DPH6: variants seen among roughly 807,000 people sequenced by gnomAD.
The protein encoded by DPH6 is diphthamine biosynthesis 6.
DPH6 carries 33 observed loss-of-function variants against 38.2 expected under a neutral mutation model. The observed-to-expected ratio is 0.86, with a 90% CI of 0.65 to 1.15. The LOEUF (loss-of-function observed/expected upper bound fraction) is 1.15. DPH6 is among the 50% of genes most tolerant of loss of function. DPH6 has a pLI of 0.00. For synonymous variants in DPH6, 108 were observed against 103.0 expected (o/e 1.05, Z -0.30); for missense variants, 325 against 320.0 (o/e 1.02, Z -0.12).
At chr15:35,182,220 A>AT in the DPH6 span, among the ~76,000 whole-genome samples, 992 of 85,886 alleles carry the variant, frequency 0.012, 41 homozygotes, top group Non-Finnish European at 0.016. Flanking sequence ...AACTCTAAGA[A>AT]TTTTTTTTTT....
chr15:35,306,402 C>T (rs2052091308), intron 3 of DPH6, among the ~76,000 whole-genome samples: 1 of 152,202 alleles, frequency 6.6e-6, no homozygotes, highest in Non-Finnish European at 1.5e-5. Context: ...TGGGAGCCTG[C>T]TCTACCCTCT....
downstream of DPH6, among the ~76,000 whole-genome samples, chr15:35,327,630 G>A (rs1173393445): frequency 4.6e-5 from 7 of 152,084 alleles, no homozygotes; most frequent in African/African-American, 1.4e-4. Flanking sequence ...CTGGCCTCTA[G>A]AAAAGGTTCT....
chr15:35,177,662 G>A, the DPH6 span, among the ~76,000 whole-genome samples: 11 of 150,748 alleles, frequency 7.3e-5, no homozygotes, highest in East Asian at 1.9e-4. Context: ...CTTTGTGGCC[G>A]GGTGTGGTGG....
At chr15:35,543,409 A>G (rs1442077847) in intron 1 of DPH6, among the ~76,000 whole-genome samples, 3 of 151,676 alleles carry the variant, frequency 2.0e-5, no homozygotes, top group African/African-American at 7.3e-5. Context: ...TCACTTAGTA[A>G]AGACAAGCAG....
At chr15:35,436,073 G>C (rs1043501162) in intron 5 of DPH6, among the ~76,000 whole-genome samples, 1 of 152,042 alleles carries the variant, frequency 6.6e-6, no homozygotes, top group Non-Finnish European at 1.5e-5. Context: ...TCAGGGGCCA[G>C]AGGCCCTGCA....
At chr15:35,408,410 G>A (rs377143220) in intron 6 of DPH6, among the ~76,000 whole-genome samples, 13 of 152,088 alleles carry the variant, frequency 8.5e-5, no homozygotes, top group African/African-American at 3.1e-4. Context: ...ATGACAAAGA[G>A]AATGGCAAAA....
At chr15:35,504,002 A>T (rs111361021) in intron 3 of DPH6, among the ~76,000 whole-genome samples, 1 of 152,102 alleles carries the variant, frequency 6.6e-6, no homozygotes, top group African/African-American at 2.4e-5. Flanking sequence ...CAATTTATCC[A>T]GTCTTGATTT....
chr15:35,529,986 G>A (rs1420091048), intron 3 of DPH6, among the ~76,000 whole-genome samples: 1 of 151,966 alleles, frequency 6.6e-6, no homozygotes, highest in Admixed American at 6.6e-5. Context: ...CAAATATGCT[G>A]ACTGAAGATG....
chr15:35,218,648 C>A (rs1289140677), exon 4 of DPH6: 1 of 152,032 alleles, frequency 6.6e-6, no homozygotes, highest in Admixed American at 6.5e-5. Context: ...ATATGATAAT[C>A]CTCTCTTCTT....
At chr15:35,262,731 A>G (rs887974850) in intron 3 of DPH6, among the ~76,000 whole-genome samples, 9 of 134,272 alleles carry the variant, frequency 6.7e-5, no homozygotes, top group Non-Finnish European at 1.3e-4. Flanking sequence ...AAAAAAAAAA[A>G]AAAAAGATAT....
rs9972491 is a variant in DPH6, at chr15:35,489,635, G to A, written c.313-34815C>T. On this transcript the variant is annotated intron_variant, in intron 3 of 8. Coordinates refer to ENST00000256538, the MANE Select transcript of DPH6 (RefSeq NM_080650.4). ...TTTAGAAAGTTCTCTGCAACATAAT[G>A]TTAAGTAAAAAAATACCCTAAGGCA... 6,668 of 981,438 alleles carry A rather than the reference G, an allele frequency of 6.8e-3. 342 individuals are homozygous for A. The African/African-American group carries it at 0.11, about 16-fold the overall frequency. 60.8% of individuals were successfully genotyped at this position (981,438 alleles called of 1,614,324 possible). A position where few individuals can be genotyped will look rare whatever the true frequency, so the allele number is the denominator to read the frequency against.
intron 3 of DPH6, among the ~76,000 whole-genome samples, chr15:35,528,711 T>C (rs2055042074): frequency 6.6e-6 from 1 of 152,216 alleles, no homozygotes; most frequent in Non-Finnish European, 1.5e-5. Flanking sequence ...TACAATGTAA[T>C]AGCCTAGCAT....
At chr15:35,156,501 C>G in the DPH6 span, among the ~76,000 whole-genome samples, 2 of 151,994 alleles carry the variant, frequency 1.3e-5, no homozygotes, top group Non-Finnish European at 2.9e-5. Flanking sequence ...CTTTCAAGCT[C>G]TGTGTGTGGG....
intron 5 of DPH6, among the ~76,000 whole-genome samples, chr15:35,434,578 A>G (rs906549407): frequency 6.6e-6 from 1 of 152,210 alleles, no homozygotes; most frequent in African/African-American, 2.4e-5. Flanking sequence ...CAATTATAAA[A>G]TGCATCTAAA....
At chr15:35,214,124 A>AG (rs2051401419), downstream of DPH6, among the ~76,000 whole-genome samples, 1 of 151,996 alleles carries the variant, frequency 6.6e-6, no homozygotes, top group Admixed American at 6.6e-5. Flanking sequence ...AAAAAAAAAA[A>AG]AAAGGCTTAA....
intron 3 of DPH6, among the ~76,000 whole-genome samples, chr15:35,514,133 A>G (rs2054813874): frequency 6.6e-6 from 1 of 152,070 alleles, no homozygotes; most frequent in Non-Finnish European, 1.5e-5. Flanking sequence ...ATTAACCATA[A>G]AGAAGAAAGC....
intron 3 of DPH6, among the ~76,000 whole-genome samples, chr15:35,337,128 G>A (rs2052379436): frequency 6.6e-6 from 1 of 152,158 alleles, no homozygotes; most frequent in Admixed American, 6.6e-5. Flanking sequence ...TTCAGATCCT[G>A]TTATTGGTCT....
At chr15:35,434,334 G>C in intron 5 of DPH6, among the ~76,000 whole-genome samples, 1 of 152,032 alleles carries the variant, frequency 6.6e-6, no homozygotes, top group East Asian at 1.9e-4. Flanking sequence ...CCTTTGAAAA[G>C]ATTAAAGCTA....
chr15:35,299,490 G>T, intron 3 of DPH6: 2 of 743,404 alleles, frequency 2.7e-6, no homozygotes, highest in Non-Finnish European at 5.0e-6. Flanking sequence ...CCCATGGGCC[G>T]CGGTGGCGGC....
Sources: allele counts gnomAD v4.1 joint callset (sites outside exome capture counted in the v4.1 genomes callset), GRCh38; gene constraint gnomAD v4.1.1; transcripts MANE v1.5; gene names NCBI Gene and HGNC (gene_info 2026-07-23, HGNC 2026-07-21).